Variants in SUCLG2 observed in about 807,000 individuals in gnomAD.
SUCLG2 encodes the protein succinate-CoA ligase GDP-forming subunit beta.
Under a neutral mutation model 47.9 loss-of-function variants are expected in SUCLG2, and 42 were observed. That is an observed-to-expected ratio of 0.88 (90% CI 0.69 to 1.14). SUCLG2 has a LOEUF of 1.14. Ranked by LOEUF, SUCLG2 falls within the 50% of genes most tolerant of loss-of-function variation. The probability of loss-of-function intolerance (pLI) is 0.00; values close to 1 mark genes in which losing one functional copy is unlikely to be tolerated. For synonymous variants in SUCLG2, 195 were observed against 197.3 expected (o/e 0.99, Z 0.10); for missense variants, 571 against 525.9 (o/e 1.09, Z -0.84).
intron 2 of SUCLG2, among the ~76,000 whole-genome samples, chr3:67,567,779 G>T (rs1181166822): frequency 6.6e-6 from 1 of 152,120 alleles, no homozygotes; most frequent in South Asian, 2.1e-4. Context: ...TTTATTAAAA[G>T]ATTCATTTCC....
chr3:67,591,993 G>A (rs1708177149), intron 2 of SUCLG2, among the ~76,000 whole-genome samples: 1 of 152,162 alleles, frequency 6.6e-6, no homozygotes, highest in African/African-American at 2.4e-5. Context: ...AACATTTATT[G>A]TCTTTTGTAT....
exon 11 of SUCLG2, chr3:67,360,584 A>G (rs759089444): frequency 4.1e-6 from 6 of 1,451,188 alleles, no homozygotes; most frequent in Non-Finnish European, 4.5e-6. Flanking sequence ...GATATTCATT[A>G]ATTTGGAAAA....
intron 10 of SUCLG2, among the ~76,000 whole-genome samples, chr3:67,377,090 C>A (rs1430236958): frequency 6.6e-6 from 1 of 152,206 alleles, no homozygotes; most frequent in African/African-American, 2.4e-5. Context: ...AACTTATACA[C>A]AGCATATGAA....
intron 10 of SUCLG2, among the ~76,000 whole-genome samples, chr3:67,377,393 T>C (rs1301451893): frequency 2.0e-5 from 3 of 152,330 alleles, no homozygotes; most frequent in Admixed American, 6.5e-5. Flanking sequence ...CAGGCCTGGC[T>C]GGCTTTGCAC....
intron 9 of SUCLG2, among the ~76,000 whole-genome samples, chr3:67,455,830 C>T (rs945305744): frequency 1.1e-4 from 16 of 152,072 alleles, no homozygotes; most frequent in Non-Finnish European, 1.0e-4. Flanking sequence ...TGTTTCAATC[C>T]CGGCAAGAAC....
chr3:67,555,863 T>A (rs1707147390), intron 2 of SUCLG2, among the ~76,000 whole-genome samples: 1 of 152,136 alleles, frequency 6.6e-6, no homozygotes, highest in Non-Finnish European at 1.5e-5. Flanking sequence ...CCCCACAAAA[T>A]TCAAATCACT....
intron 9 of SUCLG2, among the ~76,000 whole-genome samples, chr3:67,444,067 T>G (rs1404899831): frequency 2.3e-3 from 214 of 94,300 alleles, no homozygotes; most frequent in African/African-American, 7.2e-3. Flanking sequence ...GGTGGAGGGG[T>G]CAGCCCCCCG....
In SUCLG2 at chr3:67,615,548, A is replaced by T. The variant is rs117932879; in HGVS notation, c.85-5952T>A. ...GACTTACTAGTAATCAAGAAAATAG[A>T]AACTCAAACAAAACGGAAGAAGCCA... On this transcript the variant is annotated intron_variant, in intron 1 of 10. Coordinates refer to ENST00000307227, the MANE Select transcript of SUCLG2 (RefSeq NM_003848.4). Among the ~76,000 whole-genome samples the T allele has an allele frequency of 9.0e-4, 137 of 152,110 alleles. 1 individual carries two copies. The East Asian group carries it at 0.025, about 28-fold the overall frequency.
chr3:67,528,508 A>G (rs998553431), intron 3 of SUCLG2, among the ~76,000 whole-genome samples: 1 of 152,240 alleles, frequency 6.6e-6, no homozygotes. Context: ...TGAAATGCAC[A>G]CCAGATTCAG....
intron 2 of SUCLG2, among the ~76,000 whole-genome samples, chr3:67,530,965 G>A (rs1706387611): frequency 6.6e-6 from 1 of 152,164 alleles, no homozygotes; most frequent in Admixed American, 6.5e-5. Flanking sequence ...AACAGACCTG[G>A]TTAAAATCTC....
intron 9 of SUCLG2, among the ~76,000 whole-genome samples, chr3:67,486,743 C>T (rs1274935982): frequency 6.6e-6 from 1 of 151,830 alleles, no homozygotes; most frequent in Admixed American, 6.6e-5. Context: ...ATCATACACA[C>T]AAAAAAGGAC....
At chr3:67,501,053 C>G (rs1705482455) in intron 7 of SUCLG2, among the ~76,000 whole-genome samples, 1 of 152,106 alleles carries the variant, frequency 6.6e-6, no homozygotes, top group Admixed American at 6.5e-5. Flanking sequence ...TGCAGTTAAC[C>G]CAGAGCTTCA....
chr3:67,451,397 C>A (rs992402848), intron 9 of SUCLG2, among the ~76,000 whole-genome samples: 19 of 152,172 alleles, frequency 1.2e-4, no homozygotes, highest in Non-Finnish European at 8.8e-5. Flanking sequence ...GTAAGTAAGT[C>A]TTAAGACAAC....
At chr3:67,516,270 T>C (rs1705942119) in intron 6 of SUCLG2, among the ~76,000 whole-genome samples, 1 of 152,210 alleles carries the variant, frequency 6.6e-6, no homozygotes, top group Admixed American at 6.5e-5. Context: ...CACTTACTTA[T>C]CCCTCAGTTC....
intron 9 of SUCLG2, among the ~76,000 whole-genome samples, chr3:67,426,338 A>G (rs1459892697): frequency 1.3e-5 from 2 of 152,200 alleles, no homozygotes; most frequent in Non-Finnish European, 2.9e-5. Context: ...GAAAGAATAT[A>G]TTAGGTGAAA....
Position 67,402,568 on chromosome 3 carries a change from C to G in SUCLG2, c.1063-1717G>C, listed in dbSNP as rs559308790. Among the ~76,000 whole-genome samples, 5 of 152,322 alleles carry G rather than the reference C, an allele frequency of 3.3e-5. 1 individual carries two copies. The highest frequency in any genetic ancestry group is 7.2e-5 in the African/African-American group (3 of 41,572). On this transcript the variant is annotated intron_variant, in intron 9 of 10. Coordinates refer to ENST00000307227, the MANE Select transcript of SUCLG2 (RefSeq NM_003848.4). ...ATGCTGTTAGCATTGAGGCTTGGTA[C>G]AGCAGTAGTTTCCAAATAACTGTAG...
chr3:67,437,157 G>C (rs76292464), intron 9 of SUCLG2, among the ~76,000 whole-genome samples: 4,038 of 152,230 alleles, frequency 0.027, 76 homozygotes, highest in Non-Finnish European at 0.043. Flanking sequence ...TAAACAGAGA[G>C]AGCAAGCAGC....
At chr3:67,396,603 A>G (rs1338218778) in intron 10 of SUCLG2, among the ~76,000 whole-genome samples, 1 of 152,084 alleles carries the variant, frequency 6.6e-6, no homozygotes, top group East Asian at 1.9e-4. Flanking sequence ...ACAAGGAGGA[A>G]CTGGTACCAT....
chr3:67,471,598 A>C (rs1349780753), intron 9 of SUCLG2, among the ~76,000 whole-genome samples: 3 of 152,222 alleles, frequency 2.0e-5, no homozygotes, highest in African/African-American at 7.2e-5. Flanking sequence ...GTCTAGGCTG[A>C]CCTAGCCTTC....
Sources: allele counts gnomAD v4.1 joint callset (sites outside exome capture counted in the v4.1 genomes callset), GRCh38; gene constraint gnomAD v4.1.1; transcripts MANE v1.5; gene names NCBI Gene and HGNC (gene_info 2026-07-23, HGNC 2026-07-21).